TACC2: variants seen among roughly 807,000 people sequenced by gnomAD.
The protein encoded by TACC2 is transforming acidic coiled-coil-containing protein 2.
In TACC2, 137 loss-of-function variants were observed where a neutral mutation model predicts 227.3. The observed-to-expected ratio is 0.60, with a 90% confidence interval of 0.52 to 0.69. TACC2 has a LOEUF of 0.69. Among genes scored for constraint, TACC2 ranks in the 30% least tolerant of loss-of-function variants. The pLI is 0.00. For synonymous variants in TACC2, 1,523 were observed against 1,487.5 expected (o/e 1.02, Z -0.55); for missense variants, 3,470 against 3,694.4 (o/e 0.94, Z 1.57).
intron 8 of TACC2, among the ~76,000 whole-genome samples, chr10:122,196,419 A>C (rs1290918255): frequency 6.6e-6 from 1 of 152,146 alleles, no homozygotes; most frequent in Non-Finnish European, 1.5e-5. Context: ...ATCAGTCTGC[A>C]GCAGTGTCTG....
chr10:122,081,366 A>C (rs1341007944), intron 3 of TACC2, among the ~76,000 whole-genome samples: 4 of 150,488 alleles, frequency 2.7e-5, no homozygotes, highest in African/African-American at 9.8e-5. Context: ...AAAACTACAA[A>C]AAAAAAAAAA....
chr10:122,154,185 T>C (rs1214877653), intron 7 of TACC2, among the ~76,000 whole-genome samples: 1 of 152,254 alleles, frequency 6.6e-6, no homozygotes, highest in Non-Finnish European at 1.5e-5. Context: ...TCCATTCATA[T>C]GCTCATAGTT....
chr10:122,183,956 G>C (rs1050147674), intron 7 of TACC2, among the ~76,000 whole-genome samples: 2 of 152,206 alleles, frequency 1.3e-5, no homozygotes, highest in African/African-American at 4.8e-5. Flanking sequence ...CAGCCCAGGT[G>C]CCCGCAGGTG....
chr10:122,089,280 C>T (rs1409915557), intron 5 of TACC2, among the ~76,000 whole-genome samples: 3 of 152,084 alleles, frequency 2.0e-5, no homozygotes, highest in Admixed American at 1.3e-4. Flanking sequence ...AGATATCATA[C>T]CCCAGCCCCC....
intron 2 of TACC2, among the ~76,000 whole-genome samples, chr10:122,040,029 C>T (rs1209044047): frequency 2.0e-5 from 3 of 152,168 alleles, no homozygotes; most frequent in Non-Finnish European, 4.4e-5. Flanking sequence ...CTAGTTGTTA[C>T]CCTTGCTCCT....
At chr10:122,014,403 A>G (rs1178277711) in intron 1 of TACC2, among the ~76,000 whole-genome samples, 3 of 151,808 alleles carry the variant, frequency 2.0e-5, no homozygotes, top group African/African-American at 4.8e-5. Context: ...TAGAGATGGC[A>G]TTTCACTATG....
At chr10:122,118,388 T>C (rs916952253) in intron 5 of TACC2, among the ~76,000 whole-genome samples, 1 of 152,208 alleles carries the variant, frequency 6.6e-6, no homozygotes, top group Non-Finnish European at 1.5e-5. Flanking sequence ...CTCTGCATTC[T>C]GGAACTCCCA....
intron 2 of TACC2, among the ~76,000 whole-genome samples, chr10:122,028,332 A>C (rs1431901807): frequency 1.4e-5 from 2 of 146,964 alleles, no homozygotes; most frequent in Non-Finnish European, 1.5e-5. Flanking sequence ...TCAGGTGATC[A>C]GCCTGTCTCG....
At chr10:122,110,343 A>T (rs574600243) in intron 5 of TACC2, among the ~76,000 whole-genome samples, 1 of 152,252 alleles carries the variant, frequency 6.6e-6, no homozygotes, top group South Asian at 2.1e-4. Flanking sequence ...GCAGGAGGGG[A>T]TGGCAGTGCA....
chr10:122,103,458 C>T (rs982350522), intron 5 of TACC2, among the ~76,000 whole-genome samples: 2 of 152,162 alleles, frequency 1.3e-5, no homozygotes, highest in Non-Finnish European at 2.9e-5. Flanking sequence ...TAGCAGAGGG[C>T]CATCTTTGTG....
In TACC2 at chr10:122,086,038, T is replaced by C; in HGVS notation, c.3538T>C (p.Ser1180Pro). 6.2e-7 allele frequency: 1 copy of C among 1,613,746 alleles called. No individual in the cohort carries two copies. Residue 1180 changes from serine to proline, a missense_variant, in exon 4 of 23, where the codon TCC becomes CCC. This residue lies in a region of TACC2 where 1,924 missense variants were observed against 1,978.3 expected (regional missense o/e 0.97). Coordinates refer to ENST00000369005, the MANE Select transcript of TACC2 (RefSeq NM_206862.4). ...EEASTSALRESCQAEHPMASC... is the reference protein window; with the variant it reads ...EEASTSALREPCQAEHPMASC... ...AGCTTCTACCTCTGCCCTACGTGAG[T>C]CCTGCCAAGCTGAGCACCCCATGGC...
At chr10:122,161,795 A>G (rs2139797992) in intron 7 of TACC2, among the ~76,000 whole-genome samples, 1 of 152,378 alleles carries the variant, frequency 6.6e-6, no homozygotes, top group East Asian at 1.9e-4. Context: ...CTAGGTGCCC[A>G]GGGAAAGGGC....
chr10:122,163,521 T>C, intron 7 of TACC2: 3 of 968,854 alleles, frequency 3.1e-6, no homozygotes, highest in Non-Finnish European at 3.7e-6. Context: ...GATGGAGCTT[T>C]GTGAAGATGC....
intron 14 of TACC2, among the ~76,000 whole-genome samples, chr10:122,229,098 G>T (rs1284199133): frequency 6.6e-6 from 1 of 152,058 alleles, no homozygotes; most frequent in South Asian, 2.1e-4. Context: ...AGGGTGGCGT[G>T]GGGGTGGGAG....
intron 13 of TACC2, 34 bp downstream of exon 13, chr10:122,226,515 TGCTG>T: frequency 6.8e-7 from 1 of 1,465,892 alleles, no homozygotes; most frequent in Non-Finnish European, 9.5e-7. Flanking sequence ...TTACACATCA[TGCTG>T]GATGTTCTAA....
intron 2 of TACC2, among the ~76,000 whole-genome samples, chr10:122,049,680 C>T (rs761662014): frequency 6.8e-4 from 103 of 151,604 alleles, no homozygotes; most frequent in Non-Finnish European, 1.2e-3. Flanking sequence ...CCTTTCCCTT[C>T]TTCTGATTTT....
chr10:122,207,171 C>T (rs1033581082), intron 8 of TACC2, among the ~76,000 whole-genome samples: 1 of 152,032 alleles, frequency 6.6e-6, no homozygotes, highest in Non-Finnish European at 1.5e-5. Context: ...TGGTGGCACA[C>T]ACCTGTAATC....
Position 122,150,632 on chromosome 10 carries a change from A to G in TACC2, c.5834+6926A>G, listed in dbSNP as rs925411334. Reference sequence around the variant, plus strand: ...GAGAAATAGACCCCCAAACCAAGGGAGGCAGGGCCCAGGGAGGTGGGGTAG... The same window carrying G: ...GAGAAATAGACCCCCAAACCAAGGGGGGCAGGGCCCAGGGAGGTGGGGTAG... On this transcript the variant is annotated intron_variant, in intron 7 of 22. Transcript: ENST00000369005. This position sits in a 1 kb window ranked among gnomAD's most constrained non-coding sequence, Gnocchi z 4.0. Among the ~76,000 whole-genome samples the G allele has an allele frequency of 2.6e-5, 4 of 152,142 alleles. No individual in the cohort carries two copies. The highest frequency in any genetic ancestry group is 9.7e-5 in the African/African-American group (4 of 41,450).
Position 122,013,592 on chromosome 10 carries a change from G to A in TACC2, c.-45-8345G>A, listed in dbSNP as rs1037077800. On this transcript the variant is annotated intron_variant, in intron 1 of 22. Transcript: ENST00000369005. ...GTCGCTGGGTTTGTCAAGCAGCCAC[G>A]GGAGCTGCTGGGTCAGGTGAACCTG... is the stretch of plus-strand genomic sequence containing the variant. Among the ~76,000 whole-genome samples, 8 of 152,320 alleles carry A rather than the reference G, an allele frequency of 5.3e-5. No individual in the cohort carries two copies. The Middle Eastern group carries it at 0.014, about 259-fold the overall frequency.
Sources: gnomAD v4.1 joint callset for allele counts (sites outside exome capture counted in the v4.1 genomes callset) on GRCh38, gnomAD v4.1.1 for gene constraint, gnomAD v4.1.1 regional missense constraint, Gnocchi (gnomAD v3.1) non-coding constraint, MANE v1.5 for transcripts, NCBI Gene and HGNC (gene_info 2026-07-23, HGNC 2026-07-21) for gene names.